CD200: variants seen among roughly 807,000 people sequenced by gnomAD.
The protein encoded by CD200 is OX-2 membrane glycoprotein.
A neutral mutation model predicts 30.9 loss-of-function variants in CD200; 15 were observed. The ratio of observed to expected loss-of-function variants is 0.49; its 90% CI spans 0.32 to 0.75. The LOEUF (loss-of-function observed/expected upper bound fraction) is 0.75, where lower values mean the gene tolerates loss of function less well. CD200 is among the 30% of genes least tolerant of loss of function. The probability of loss-of-function intolerance (pLI) is 0.03; values close to 1 mark genes in which losing one functional copy is unlikely to be tolerated. For synonymous variants in CD200, 134 were observed against 126.2 expected (o/e 1.06, Z -0.41); for missense variants, 262 against 324.2 (o/e 0.81, Z 1.47).
At chr3:112,338,546 A>G (rs1257788552) in intron 1 of CD200, among the ~76,000 whole-genome samples, 1 of 152,174 alleles carries the variant, frequency 6.6e-6, no homozygotes, top group African/African-American at 2.4e-5. Flanking sequence ...ATTGGATAGC[A>G]TGTTTGTAGG....
In CD200 at chr3:112,340,899, C is replaced by T. The variant is rs1161462229; in HGVS notation, c.13-3C>T. The T allele has an allele frequency of 6.3e-7, 1 of 1,585,072 alleles. No individual in the cohort carries two copies. The highest frequency in any genetic ancestry group is 1.3e-5 in the African/African-American group (1 of 74,092). On this transcript the variant is annotated splice_polypyrimidine_tract_variant and splice_region_variant and intron_variant, in intron 1 of 5. Transcript: ENST00000315711. ...ATTTCTGTACTTTGCTTTCTGTCTT[C>T]AGGTGATCAGGATGCCCTTCTCTCA...
At chr3:112,357,305 C>T (rs1576626627) in intron 5 of CD200, among the ~76,000 whole-genome samples, 6 of 148,102 alleles carry the variant, frequency 4.1e-5, no homozygotes, top group Admixed American at 4.0e-4. Flanking sequence ...AAGAAAAGTA[C>T]CTAAAACGAA....
chr3:112,350,669 G>A (rs1488145873), intron 5 of CD200, among the ~76,000 whole-genome samples: 1 of 152,220 alleles, frequency 6.6e-6, no homozygotes, highest in African/African-American at 2.4e-5. Flanking sequence ...GTGAAGGGGT[G>A]ATGTGGGAGT....
At chr3:112,344,886 C>A in intron 2 of CD200, 76 bp from the exon 3 acceptor site, 1 of 1,096,062 alleles carries the variant, frequency 9.1e-7, no homozygotes, top group Non-Finnish European at 1.3e-6. Context: ...ATTGAATATA[C>A]ATTTTATTTA....
chr3:112,337,635 T>A (rs2081148616), intron 1 of CD200, among the ~76,000 whole-genome samples: 1 of 152,216 alleles, frequency 6.6e-6, no homozygotes, highest in South Asian at 2.1e-4. Context: ...ATACATAAGC[T>A]GGATAGTAAA....
intron 2 of CD200, 28 bp downstream of exon 2, chr3:112,341,011 A>C: frequency 6.9e-7 from 1 of 1,458,576 alleles, no homozygotes; most frequent in Non-Finnish European, 9.6e-7. Context: ...CCCTGCTTGG[A>C]GCCCAGCAAA....
chr3:112,335,956 C>G, intron 1 of CD200: 1 of 1,611,304 alleles, frequency 6.2e-7, no homozygotes, highest in East Asian at 2.2e-5. Context: ...CTGACCAGGA[C>G]AATTGGGGGC....
intron 1 of CD200, among the ~76,000 whole-genome samples, chr3:112,336,427 A>G (rs2081119100): frequency 6.6e-6 from 1 of 152,086 alleles, no homozygotes; most frequent in African/African-American, 2.4e-5. Context: ...AGGCAAACAG[A>G]AAGACCCAGC....
intron 4 of CD200, among the ~76,000 whole-genome samples, chr3:112,349,391 C>G (rs2081485088): frequency 6.6e-6 from 1 of 152,154 alleles, no homozygotes; most frequent in Admixed American, 6.5e-5. Flanking sequence ...CAAACCTTGG[C>G]TATCCCATTT....
At chr3:112,336,122 A>G in intron 1 of CD200, 2 of 795,746 alleles carry the variant, frequency 2.5e-6, no homozygotes, top group Non-Finnish European at 4.3e-6. Context: ...AACACCTGTT[A>G]TTTGGAATTG....
intron 2 of CD200, among the ~76,000 whole-genome samples, chr3:112,342,430 T>TTTCTC (rs1553716264): frequency 1.6e-5 from 1 of 61,838 alleles, no homozygotes; most frequent in Non-Finnish European, 3.6e-5. Flanking sequence ...TCTTTCTTTC[T>TTTCTC]TCTCTCTCTT....
intron 4 of CD200, among the ~76,000 whole-genome samples, chr3:112,348,870 A>G (rs919543439): frequency 6.7e-6 from 1 of 148,560 alleles, no homozygotes; most frequent in African/African-American, 2.6e-5. Context: ...AACCTAAAAA[A>G]GAATGTCTTT....
intron 2 of CD200, 142 bp downstream of exon 2, chr3:112,341,125 A>G (rs948056312): frequency 2.0e-6 from 1 of 493,552 alleles, no homozygotes; most frequent in African/African-American, 2.0e-5. Context: ...GGAGGAGTGG[A>G]CGTGGTTCTT....
At position 112,345,205 on chromosome 3, in the gene CD200, T is replaced by C. The variant is rs765804573; in HGVS notation, c.338T>C (p.Leu113Pro). ...ACCATCACCTTCTGGAATATCACCC[T>C]GGAGGATGAAGGGTGTTACATGTGT... The part of the protein sequence containing the change: ...NSTITFWNIT[L>P]EDEGCYMCLF... The change falls in exon 3 of 6, where the codon CTG becomes CCG. Residue 113 changes from leucine (L) to proline (P), a missense_variant. Leu to Pro is a moderately conservative substitution (Grantham distance 98). Coordinates refer to ENST00000315711, the MANE Select transcript of CD200 (RefSeq NM_005944.7). The C allele has an allele frequency of 4.3e-6, 7 of 1,614,006 alleles. No homozygotes were observed. In the East Asian group the frequency reaches 1.3e-4, roughly 31 times the overall value.
chr3:112,343,574 G>T (rs1240215297), intron 2 of CD200, among the ~76,000 whole-genome samples: 1 of 152,066 alleles, frequency 6.6e-6, no homozygotes, highest in Non-Finnish European at 1.5e-5. Context: ...AAAGCACCAG[G>T]ATTACAGGCA....
intron 5 of CD200, among the ~76,000 whole-genome samples, chr3:112,359,853 A>T (rs1171375564): frequency 6.6e-6 from 1 of 152,194 alleles, no homozygotes; most frequent in Non-Finnish European, 1.5e-5. Flanking sequence ...ATAGCATGCA[A>T]TGAAAGAGGA....
intron 1 of CD200, among the ~76,000 whole-genome samples, chr3:112,338,519 A>C (rs2081169193): frequency 6.6e-6 from 1 of 152,178 alleles, no homozygotes; most frequent in Non-Finnish European, 1.5e-5. Flanking sequence ...TCAAGGTGGA[A>C]AGCACAGTGA....
chr3:112,360,800 C>A (rs1176397767), intron 5 of CD200, among the ~76,000 whole-genome samples: 2 of 152,294 alleles, frequency 1.3e-5, no homozygotes, highest in Non-Finnish European at 2.9e-5. Context: ...CCAGTATGTG[C>A]CAGAAAGCCA....
At chr3:112,356,522 A>G (rs1425678296) in intron 5 of CD200, among the ~76,000 whole-genome samples, 1 of 152,198 alleles carries the variant, frequency 6.6e-6, no homozygotes, top group Non-Finnish European at 1.5e-5. Flanking sequence ...TGTCAGTAAT[A>G]TTCAAGTATA....
Sources: allele counts gnomAD v4.1 joint callset (sites outside exome capture counted in the v4.1 genomes callset), GRCh38; gene constraint gnomAD v4.1.1; transcripts MANE v1.5; gene names NCBI Gene and HGNC (gene_info 2026-07-23, HGNC 2026-07-21).